Variants in NXPE2 observed in about 807,000 individuals in gnomAD.
NXPE2 encodes the protein neurexophilin and PC-esterase domain family member 2, also known as NXPE family member 2.
In NXPE2, 34 loss-of-function variants were observed where a neutral mutation model predicts 34.4. The observed-to-expected ratio is 0.99, with a 90% CI of 0.75 to 1.31. The LOEUF (loss-of-function observed/expected upper bound fraction) is 1.31, where lower values mean the gene tolerates loss of function less well. Among genes scored for constraint, NXPE2 ranks in the 40% most tolerant of loss-of-function variants. The pLI is 0.00. For missense variants in NXPE2, 649 were observed against 672.5 expected (o/e 0.97, Z 0.39); for synonymous variants, 235 against 231.3 (o/e 1.02, Z -0.15).
chr11:114,512,381 A>G, the NXPE2 span, among the ~76,000 whole-genome samples: 1 of 152,100 alleles, frequency 6.6e-6, no homozygotes, highest in Non-Finnish European at 1.5e-5. Flanking sequence ...CTTTCAGTAC[A>G]TGTCACATGA....
At chr11:114,620,297 C>T in the NXPE2 span, among the ~76,000 whole-genome samples, 4 of 152,024 alleles carry the variant, frequency 2.6e-5, no homozygotes, top group South Asian at 4.1e-4. Flanking sequence ...AGTAATGCCT[C>T]GTGGGTAACC....
At chr11:114,768,211 C>G in the NXPE2 span, among the ~76,000 whole-genome samples, 12 of 152,082 alleles carry the variant, frequency 7.9e-5, no homozygotes, top group Admixed American at 4.6e-4. Context: ...GTCAAAGATC[C>G]GATGGTTGTA....
chr11:114,637,419 T>C, the NXPE2 span, among the ~76,000 whole-genome samples: 3 of 152,100 alleles, frequency 2.0e-5, no homozygotes, highest in Non-Finnish European at 4.4e-5. Flanking sequence ...CTTTATCCAA[T>C]TTGCCAGTCT....
At chr11:114,603,871 T>C in the NXPE2 span, among the ~76,000 whole-genome samples, 5 of 151,046 alleles carry the variant, frequency 3.3e-5, no homozygotes, top group African/African-American at 9.8e-5. Context: ...AGGTAACTAA[T>C]ATTATCTGGT....
the NXPE2 span, among the ~76,000 whole-genome samples, chr11:114,671,716 AG>A: frequency 6.6e-6 from 1 of 152,054 alleles, no homozygotes; most frequent in South Asian, 2.1e-4. Flanking sequence ...AAAAGTGAAG[AG>A]GAAAAAGAGA....
At chr11:114,756,540 C>T in the NXPE2 span, among the ~76,000 whole-genome samples, 1 of 151,812 alleles carries the variant, frequency 6.6e-6, no homozygotes, top group Non-Finnish European at 1.5e-5. Flanking sequence ...GTATAATTCC[C>T]TCAATGGCCA....
the NXPE2 span, chr11:114,531,007 A>C: frequency 8.2e-7 from 1 of 1,215,178 alleles, no homozygotes; most frequent in Non-Finnish European, 1.1e-6. Context: ...ATATTTGTAT[A>C]ATTGAATTCA....
chr11:114,583,430 A>G, the NXPE2 span: 1 of 664,724 alleles, frequency 1.5e-6, no homozygotes, highest in Non-Finnish European at 2.8e-6. Context: ...TCACAAAGCC[A>G]ATGCTGAGGA....
chr11:114,632,365 A>G, the NXPE2 span, among the ~76,000 whole-genome samples: 1 of 134,722 alleles, frequency 7.4e-6, no homozygotes, highest in Admixed American at 8.6e-5. Context: ...AATATTATAT[A>G]TTACATATAG....
At chr11:114,764,572 C>T in the NXPE2 span, among the ~76,000 whole-genome samples, 15 of 152,122 alleles carry the variant, frequency 9.9e-5, no homozygotes, top group African/African-American at 3.4e-4. Context: ...CTAGTTTCTA[C>T]ACTTTTCTGT....
the NXPE2 span, among the ~76,000 whole-genome samples, chr11:114,743,930 T>C: frequency 2.0e-5 from 3 of 151,482 alleles, no homozygotes; most frequent in African/African-American, 7.3e-5. Context: ...TATGTATATA[T>C]AAGTGTATAT....
chr11:114,574,008 T>C, the NXPE2 span, among the ~76,000 whole-genome samples: 1 of 151,990 alleles, frequency 6.6e-6, no homozygotes, highest in Admixed American at 6.6e-5. Flanking sequence ...TTATATCAAG[T>C]ACTCTCTCAG....
chr11:114,749,980 A>T, the NXPE2 span, among the ~76,000 whole-genome samples: 2 of 152,038 alleles, frequency 1.3e-5, no homozygotes, highest in Admixed American at 6.5e-5. Flanking sequence ...TCAGGCTTTG[A>T]ACATTCGCCA....
chr11:114,639,993 T>C, the NXPE2 span, among the ~76,000 whole-genome samples: 1 of 119,160 alleles, frequency 8.4e-6, no homozygotes. Context: ...TATAATAATG[T>C]TATATAATGT....
At chr11:114,522,571 T>C in the NXPE2 span, 2 of 1,344,964 alleles carry the variant, frequency 1.5e-6, no homozygotes, top group African/African-American at 1.5e-5. Flanking sequence ...AAGAATGTCC[T>C]ATCATTTAAA....
At chr11:114,640,176 T>C in the NXPE2 span, among the ~76,000 whole-genome samples, 2 of 114,752 alleles carry the variant, frequency 1.7e-5, no homozygotes, top group African/African-American at 6.6e-5. Flanking sequence ...ATAAATAATT[T>C]ATATATTATA....
At chr11:114,686,097 T>C (rs2135540316) in intron 2 of NXPE2, among the ~76,000 whole-genome samples, 1 of 152,276 alleles carries the variant, frequency 6.6e-6, no homozygotes, top group African/African-American at 2.4e-5. Context: ...TTCTCTATAA[T>C]TTATTTTTTT....
At chr11:114,580,100 G>C in the NXPE2 span, 4 of 1,534,674 alleles carry the variant, frequency 2.6e-6, no homozygotes, top group Non-Finnish European at 2.7e-6. Context: ...TTTCTGAAAG[G>C]GGTAAGAATT....
downstream of NXPE2, chr11:114,707,381 C>G (rs1299758772): frequency 2.5e-6 from 1 of 404,324 alleles, no homozygotes; most frequent in African/African-American, 2.1e-5. Context: ...CAGGCATGAA[C>G]CACCATGCCC....
Sources: allele counts gnomAD v4.1 joint callset (sites outside exome capture counted in the v4.1 genomes callset), GRCh38; gene constraint gnomAD v4.1.1; transcripts MANE v1.5; gene names NCBI Gene and HGNC (gene_info 2026-07-23, HGNC 2026-07-21).